SLC25A21: variants seen among roughly 807,000 people sequenced by gnomAD.
The protein encoded by SLC25A21 is mitochondrial 2-oxodicarboxylate carrier.
A neutral mutation model predicts 43.8 loss-of-function variants in SLC25A21; 47 were observed. That is an observed-to-expected ratio of 1.07 (90% CI 0.85 to 1.37). The LOEUF is 1.37. Ranked by LOEUF, SLC25A21 falls within the 40% of genes most tolerant of loss-of-function variation. SLC25A21 has a pLI of 0.00. For synonymous variants in SLC25A21, 131 were observed against 121.3 expected (o/e 1.08, Z -0.52); for missense variants, 352 against 350.2 (o/e 1.00, Z -0.04).
intron 1 of SLC25A21, among the ~76,000 whole-genome samples, chr14:36,907,193 A>G (rs1257383087): frequency 6.6e-6 from 1 of 152,202 alleles, no homozygotes; most frequent in African/African-American, 2.4e-5. Context: ...ATGTACTTGG[A>G]GGAACAATAT....
chr14:37,006,884 A>C (rs1482714756), intron 1 of SLC25A21, among the ~76,000 whole-genome samples: 4 of 152,204 alleles, frequency 2.6e-5, no homozygotes, highest in Non-Finnish European at 5.9e-5. Flanking sequence ...TCTTCCAGTA[A>C]TATTTGCTAA....
At chr14:36,820,330 G>A (rs1302489979) in intron 2 of SLC25A21, among the ~76,000 whole-genome samples, 2 of 152,118 alleles carry the variant, frequency 1.3e-5, no homozygotes, top group African/African-American at 4.8e-5. Flanking sequence ...AGGGATTTCA[G>A]CTATCAAAAA....
chr14:36,801,205 C>T (rs891261637), intron 3 of SLC25A21, among the ~76,000 whole-genome samples: 1 of 152,158 alleles, frequency 6.6e-6, no homozygotes, highest in Non-Finnish European at 1.5e-5. Context: ...CTCTGCTCAT[C>T]TCGATAGCTT....
At chr14:36,903,296 C>T (rs1034767032) in intron 1 of SLC25A21, among the ~76,000 whole-genome samples, 5 of 151,970 alleles carry the variant, frequency 3.3e-5, no homozygotes, top group Admixed American at 2.0e-4. Context: ...AGACTGAGGC[C>T]CTGTATCCAG....
At chr14:36,729,437 A>G in intron 5 of SLC25A21, 70 bp downstream of exon 5, 2 of 1,192,828 alleles carry the variant, frequency 1.7e-6, no homozygotes, top group South Asian at 1.5e-5. Context: ...AAATCAAAAG[A>G]GTTTTTGTTT....
chr14:36,950,515 C>T (rs1317080110), intron 1 of SLC25A21, among the ~76,000 whole-genome samples: 2 of 152,066 alleles, frequency 1.3e-5, no homozygotes, highest in East Asian at 1.9e-4. Flanking sequence ...ACCAACCTGC[C>T]GGCACCTTGA....
At chr14:36,992,411 A>G (rs557071442) in intron 1 of SLC25A21, among the ~76,000 whole-genome samples, 2 of 150,338 alleles carry the variant, frequency 1.3e-5, no homozygotes, top group Non-Finnish European at 3.0e-5. Flanking sequence ...TATCTCTATA[A>G]AAAAATAAAT....
chr14:36,771,798 A>G (rs997181720), intron 3 of SLC25A21, among the ~76,000 whole-genome samples: 1 of 152,010 alleles, frequency 6.6e-6, no homozygotes, highest in Non-Finnish European at 1.5e-5. Context: ...TTAAAAGGGC[A>G]TTTTAACATA....
chr14:36,814,350 T>C (rs563729195), intron 2 of SLC25A21, among the ~76,000 whole-genome samples: 1 of 140,134 alleles, frequency 7.1e-6, no homozygotes, highest in East Asian at 2.1e-4. Context: ...AAGATGCATA[T>C]GAAAAAAGTC....
chr14:36,988,860 C>G (rs1960202313), intron 1 of SLC25A21, among the ~76,000 whole-genome samples: 1 of 152,182 alleles, frequency 6.6e-6, no homozygotes. Flanking sequence ...ATTAGCAACT[C>G]AAGCTTGAAG....
intron 3 of SLC25A21, among the ~76,000 whole-genome samples, chr14:36,743,743 T>C (rs1316679019): frequency 2.6e-5 from 4 of 152,014 alleles, no homozygotes; most frequent in African/African-American, 4.8e-5. Flanking sequence ...AGGATCAAAA[T>C]TGGAAAAGGA....
At chr14:36,877,559 A>G (rs1174712391) in intron 1 of SLC25A21, among the ~76,000 whole-genome samples, 1 of 152,122 alleles carries the variant, frequency 6.6e-6, no homozygotes, top group Non-Finnish European at 1.5e-5. Flanking sequence ...GAGGGGAACA[A>G]ACAGACATAT....
intron 3 of SLC25A21, among the ~76,000 whole-genome samples, chr14:36,770,652 G>A (rs545053398): frequency 5.1e-4 from 78 of 152,074 alleles, no homozygotes; most frequent in Non-Finnish European, 8.2e-4. Context: ...TCTATAAAAC[G>A]TTAGACATCA....
chr14:36,749,129 A>C (rs1276192751), intron 3 of SLC25A21, among the ~76,000 whole-genome samples: 1 of 152,084 alleles, frequency 6.6e-6, no homozygotes, highest in Non-Finnish European at 1.5e-5. Flanking sequence ...TACCTGTCTT[A>C]TGTTTTCTGT....
chr14:36,907,005 T>C (rs913205902), intron 1 of SLC25A21, among the ~76,000 whole-genome samples: 4 of 152,244 alleles, frequency 2.6e-5, no homozygotes, highest in South Asian at 2.1e-4. Context: ...TCTATGGAGA[T>C]TGGGGATCAT....
intron 1 of SLC25A21, among the ~76,000 whole-genome samples, chr14:37,110,209 C>T (rs1306953871): frequency 6.6e-6 from 1 of 152,164 alleles, no homozygotes; most frequent in East Asian, 1.9e-4. Flanking sequence ...TGAACTTCTA[C>T]TACTTATGTT....
chr14:36,922,538 TC>T lies in SLC25A21; in HGVS notation c.71-47535del, dbSNP rs1197458515. On this transcript the variant is annotated intron_variant, in intron 1 of 9. Coordinates refer to ENST00000331299, the MANE Select transcript of SLC25A21 (RefSeq NM_030631.4). ...GCTTCAGAAATCCTCATAAAGGCCC[TC>T]TTTTTTTTTTTTGTTAAATTGTTGG... 6.5e-5 allele frequency among the ~76,000 whole-genome samples: 5 copies of T among 76,578 alleles called. No homozygotes were observed. The Admixed American group carries it at 7.2e-4, about 11-fold the overall frequency. The allele number at this position is 76,578 out of a possible 152,430, so 50.2% of individuals were successfully genotyped here.
At chr14:36,784,972 T>C (rs1887195939) in intron 3 of SLC25A21, among the ~76,000 whole-genome samples, 1 of 152,238 alleles carries the variant, frequency 6.6e-6, no homozygotes, top group Admixed American at 6.5e-5. Context: ...TTAGATATTG[T>C]GTGAATGTAA....
intron 7 of SLC25A21, among the ~76,000 whole-genome samples, chr14:36,697,738 C>CTTTTTTTT (rs757711209): frequency 9.9e-5 from 11 of 111,656 alleles, no homozygotes; most frequent in Middle Eastern, 4.8e-3. Flanking sequence ...GCAAGCCCTA[C>CTTTTTTTT]TTTTTTTTTT....
Sources: gnomAD v4.1 joint callset for allele counts (sites outside exome capture counted in the v4.1 genomes callset) on GRCh38, gnomAD v4.1.1 for gene constraint, MANE v1.5 for transcripts, NCBI Gene and HGNC (gene_info 2026-07-23, HGNC 2026-07-21) for gene names.